The following STARD13 variants were observed in gnomAD, a reference collection of about 807,000 sequenced individuals.
The protein encoded by STARD13 is stAR-related lipid transfer protein 13.
Under a neutral mutation model 106.4 loss-of-function variants are expected in STARD13, and 62 were observed. The observed-to-expected ratio is 0.58, with a 90% CI of 0.48 to 0.72. The LOEUF is 0.72. Ranked by LOEUF, STARD13 falls within the 30% of genes least tolerant of loss-of-function variation. The probability of loss-of-function intolerance (pLI) is 0.00; values close to 1 mark genes in which losing one functional copy is unlikely to be tolerated. For missense variants in STARD13, 1,387 were observed against 1,424.0 expected (o/e 0.97, Z 0.42); for synonymous variants, 565 against 553.0 (o/e 1.02, Z -0.31).
the STARD13 span, among the ~76,000 whole-genome samples, chr13:33,575,558 C>G: frequency 6.6e-6 from 1 of 152,144 alleles, no homozygotes; most frequent in Non-Finnish European, 1.5e-5. Flanking sequence ...TGGTCAGATC[C>G]CCCATGAATG....
the STARD13 span, among the ~76,000 whole-genome samples, chr13:33,636,139 CA>C: frequency 0.075 from 3,536 of 47,338 alleles, 52 homozygotes; most frequent in African/African-American, 0.19. Context: ...GACTCTGTCT[CA>C]AAAAAAAAAA....
chr13:33,110,638 T>A, intron 11 of STARD13, 48 bp downstream of exon 11: 1 of 1,513,356 alleles, frequency 6.6e-7, no homozygotes, highest in Non-Finnish European at 9.2e-7. Context: ...TGTCTGATTG[T>A]TAGCTGTGGC....
At chr13:33,477,834 T>C in the STARD13 span, among the ~76,000 whole-genome samples, 2 of 152,196 alleles carry the variant, frequency 1.3e-5, no homozygotes, top group Non-Finnish European at 2.9e-5. Flanking sequence ...AACGTAGAAA[T>C]TGACCCTCCA....
At chr13:33,400,715 G>A in the STARD13 span, among the ~76,000 whole-genome samples, 1 of 152,080 alleles carries the variant, frequency 6.6e-6, no homozygotes, top group Non-Finnish European at 1.5e-5. Context: ...CGCCCGCCTT[G>A]GCCTCCCAAA....
intron 3 of STARD13, among the ~76,000 whole-genome samples, chr13:33,160,244 A>T (rs1481887435): frequency 6.6e-6 from 1 of 152,174 alleles, no homozygotes; most frequent in Non-Finnish European, 1.5e-5. Flanking sequence ...TTGGACATTG[A>T]TATACAAAAA....
the STARD13 span, among the ~76,000 whole-genome samples, chr13:33,674,223 T>C: frequency 6.6e-6 from 1 of 152,220 alleles, no homozygotes; most frequent in East Asian, 1.9e-4. Context: ...AACGGTCTAA[T>C]TGCATCTCTT....
chr13:33,388,336 A>C, the STARD13 span, among the ~76,000 whole-genome samples: 2 of 152,218 alleles, frequency 1.3e-5, no homozygotes, highest in Admixed American at 6.5e-5. Flanking sequence ...TGCCTAGAAG[A>C]GGCCAGTTTG....
intron 1 of STARD13, among the ~76,000 whole-genome samples, chr13:33,241,613 G>T (rs572370575): frequency 7.7e-6 from 1 of 129,138 alleles, no homozygotes; most frequent in African/African-American, 2.9e-5. Flanking sequence ...CCATACTGCC[G>T]CCATCTCAAC....
chr13:33,667,125 C>T, the STARD13 span, among the ~76,000 whole-genome samples: 6 of 152,216 alleles, frequency 3.9e-5, no homozygotes, highest in Non-Finnish European at 7.3e-5. Context: ...TCTCTGACCA[C>T]ATTGTTCATT....
intron 4 of STARD13, among the ~76,000 whole-genome samples, chr13:33,133,935 A>G (rs1398137018): frequency 6.6e-6 from 1 of 151,902 alleles, no homozygotes; most frequent in African/African-American, 2.4e-5. Flanking sequence ...AGATTATCAG[A>G]TTTCATCTGT....
chr13:33,219,031 A>G (rs1236311772), intron 1 of STARD13, among the ~76,000 whole-genome samples: 2 of 152,218 alleles, frequency 1.3e-5, no homozygotes, highest in Non-Finnish European at 2.9e-5. Flanking sequence ...TTCCCTTTCT[A>G]ATTTTAAAAA....
Position 33,127,126 on chromosome 13 carries a change from T to A in STARD13, c.1922+247A>T, listed in dbSNP as rs1877293204. Among the ~76,000 whole-genome samples the A allele has an allele frequency of 1.3e-5, 2 of 152,242 alleles. 1 individual carries two copies. Among genetic ancestry groups the A allele is most frequent in the South Asian group, 4.1e-4 (2 of 4,834 alleles). ...CACAATTAATCACCCTTTACTTGTC[T>A]CTTTTTCCTTTCTTGGAGCCTGACT... On this transcript the variant is annotated intron_variant, in intron 6 of 13. Transcript: ENST00000336934.
At chr13:33,407,623 A>G in the STARD13 span, among the ~76,000 whole-genome samples, 2 of 152,128 alleles carry the variant, frequency 1.3e-5, no homozygotes, top group African/African-American at 4.8e-5. Context: ...TTAAAAGCAT[A>G]TAATCTACAC....
At position 33,177,982 on chromosome 13, in the gene STARD13, AAGGAAAGG is replaced by A. The variant is rs1884846952; in HGVS notation, c.170-10368_170-10361del. ...GAAGGAAGGAAGGAAGGAAGGAAGG[AAGGAAAGG>A]AAGGAAGGAAGGAAGGAAGGAAAGG... On this transcript the variant is annotated intron_variant, in intron 1 of 13. Transcript: ENST00000336934. Among the ~76,000 whole-genome samples, 2 of 11,854 alleles carry A rather than the reference AAGGAAAGG, an allele frequency of 1.7e-4. 1 individual carries two copies. Among genetic ancestry groups the A allele is most frequent in the Non-Finnish European group, 2.8e-4 (2 of 7,036 alleles). 7.8% of individuals were successfully genotyped at this position (11,854 alleles called of 152,430 possible).
chr13:33,478,144 G>A, the STARD13 span, among the ~76,000 whole-genome samples: 1 of 152,064 alleles, frequency 6.6e-6, no homozygotes, highest in African/African-American at 2.4e-5. Context: ...CCCAATTTTA[G>A]TTGGCTGGGG....
the STARD13 span, among the ~76,000 whole-genome samples, chr13:33,521,158 C>T: frequency 6.6e-6 from 1 of 152,108 alleles, no homozygotes; most frequent in African/African-American, 2.4e-5. Flanking sequence ...GGCAGTCAGG[C>T]CTAGATTCAC....
downstream of STARD13, among the ~76,000 whole-genome samples, chr13:33,344,033 C>T (rs1028266081): frequency 3.3e-5 from 5 of 152,022 alleles, no homozygotes; most frequent in African/African-American, 2.4e-5. Context: ...ACCCTGTATT[C>T]GCCCCAGAAT....
chr13:33,192,471 C>T (rs982323778), intron 1 of STARD13, among the ~76,000 whole-genome samples: 3 of 152,334 alleles, frequency 2.0e-5, no homozygotes, highest in South Asian at 2.1e-4. Context: ...TTCTAATTCT[C>T]ATATGCATAT....
At chr13:33,566,963 G>A in the STARD13 span, among the ~76,000 whole-genome samples, 1 of 148,036 alleles carries the variant, frequency 6.8e-6, no homozygotes, top group South Asian at 2.1e-4. Flanking sequence ...TAATTTGATG[G>A]TTCAGTAATT....
Sources: allele counts gnomAD v4.1 joint callset (sites outside exome capture counted in the v4.1 genomes callset), GRCh38; gene constraint gnomAD v4.1.1; transcripts MANE v1.5; gene names NCBI Gene and HGNC (gene_info 2026-07-23, HGNC 2026-07-21).